Variants in SETD7 observed in about 807,000 individuals in gnomAD.
The protein encoded by SETD7 is histone-lysine N-methyltransferase SETD7.
A neutral mutation model predicts 41.8 loss-of-function variants in SETD7; 16 were observed. The ratio of observed to expected loss-of-function variants is 0.38; its 90% CI spans 0.26 to 0.58. The LOEUF (loss-of-function observed/expected upper bound fraction) is 0.58. Among genes scored for constraint, SETD7 ranks in the 20% least tolerant of loss-of-function variants. The probability of loss-of-function intolerance (pLI) is 0.64; values close to 1 mark genes in which losing one functional copy is unlikely to be tolerated. For missense variants in SETD7, 346 were observed against 459.7 expected (o/e 0.75, Z 2.26); for synonymous variants, 163 against 169.7 (o/e 0.96, Z 0.31).
chr4:139,534,561 G>T (rs1338656487), intron 2 of SETD7, among the ~76,000 whole-genome samples: 1 of 150,186 alleles, frequency 6.7e-6, no homozygotes, highest in Non-Finnish European at 1.5e-5. Context: ...GTTAATTTTT[G>T]TTTTTTTTTG....
intron 2 of SETD7, among the ~76,000 whole-genome samples, chr4:139,540,344 T>G (rs1579220246): frequency 6.6e-6 from 1 of 152,190 alleles, no homozygotes; most frequent in East Asian, 1.9e-4. Flanking sequence ...ACTCCAGAAC[T>G]CCTTTTAACA....
At chr4:139,522,025 G>A (rs1727190556) in intron 5 of SETD7, among the ~76,000 whole-genome samples, 1 of 152,198 alleles carries the variant, frequency 6.6e-6, no homozygotes, top group African/African-American at 2.4e-5. Flanking sequence ...AAAGTTCTGA[G>A]GGCATCATTA....
chr4:139,553,714 A>T (rs1289261937), intron 1 of SETD7, among the ~76,000 whole-genome samples: 1 of 152,232 alleles, frequency 6.6e-6, no homozygotes, highest in Non-Finnish European at 1.5e-5. Flanking sequence ...CCTGCACTTA[A>T]TAAGAACTAA....
intron 1 of SETD7, among the ~76,000 whole-genome samples, chr4:139,549,689 T>C (rs963133655): frequency 1.4e-4 from 21 of 152,092 alleles, no homozygotes; most frequent in Non-Finnish European, 1.5e-5. Context: ...CACTGTAACC[T>C]CAACTTGTAG....
chr4:139,513,110 C>T (rs1726926091), intron 7 of SETD7, among the ~76,000 whole-genome samples: 2 of 151,866 alleles, frequency 1.3e-5, no homozygotes, highest in African/African-American at 2.4e-5. Flanking sequence ...GAGAAGGTTC[C>T]AGGCCCTAAG....
At chr4:139,503,393 A>T (rs2320312), downstream of SETD7, among the ~76,000 whole-genome samples, 1 of 152,018 alleles carries the variant, frequency 6.6e-6, no homozygotes, top group Non-Finnish European at 1.5e-5. Flanking sequence ...TTAGGAGAGC[A>T]GCAAGGAGCC....
chr4:139,510,012 C>A lies in SETD7; in HGVS notation c.*1651G>T, dbSNP rs1726825575. Reference sequence around the variant, plus strand: ...CTCTGTCAATGTGCCCAAGGGCCACCTGAAATGAAAGTCATGAGCAGCCTG... The same window carrying A: ...CTCTGTCAATGTGCCCAAGGGCCACATGAAATGAAAGTCATGAGCAGCCTG... On this transcript the variant is annotated 3_prime_UTR_variant, in exon 8 of 8. Coordinates refer to ENST00000274031, the MANE Select transcript of SETD7 (RefSeq NM_030648.4). 2.7e-6 allele frequency: 1 copy of A among 373,508 alleles called. No homozygotes were observed. The highest frequency in any genetic ancestry group is 3.7e-6 in the Non-Finnish European group (1 of 270,494). 23.1% of individuals were successfully genotyped at this position (373,508 alleles called of 1,614,324 possible). A position where few individuals can be genotyped will look rare whatever the true frequency, so the allele number is the denominator to read the frequency against.
chr4:139,502,454 C>G (rs1435331908), downstream of SETD7, among the ~76,000 whole-genome samples: 1 of 152,194 alleles, frequency 6.6e-6, no homozygotes, highest in Non-Finnish European at 1.5e-5. Context: ...GCCTGTGGCT[C>G]TCTGGGAGAA....
At chr4:139,547,076 C>T (rs1207156242) in intron 1 of SETD7, 27 bp from the exon 2 acceptor site, 1 of 1,612,678 alleles carries the variant, frequency 6.2e-7, no homozygotes, top group Non-Finnish European at 8.5e-7. Flanking sequence ...ACAAGGCAAA[C>T]CTTAACATCT....
chr4:139,546,570 C>A, intron 2 of SETD7: 1 of 350,980 alleles, frequency 2.8e-6, no homozygotes, highest in Non-Finnish European at 5.4e-6. Flanking sequence ...AAACGATCCC[C>A]ACTTGTGTGA....
intron 2 of SETD7, among the ~76,000 whole-genome samples, chr4:139,543,798 C>CAAAAA (rs1182628309): frequency 0.14 from 16,965 of 119,288 alleles, 1,395 homozygotes; most frequent in African/African-American, 0.23. Context: ...TAAAAAAATA[C>CAAAAA]AAAAAAAAAA....
rs1033443503 is a variant in SETD7, at chr4:139,520,262, G to A, written c.762+15C>T. 3 of 1,392,030 alleles carry A rather than the reference G, an allele frequency of 2.2e-6. No individual in the cohort carries two copies. Among genetic ancestry groups the A allele is most frequent in the African/African-American group, 2.9e-5 (2 of 69,062 alleles). 86.2% of individuals were successfully genotyped at this position (1,392,030 alleles called of 1,614,324 possible). A position where few individuals can be genotyped will look rare whatever the true frequency, so the allele number is the denominator to read the frequency against. On this transcript the variant is annotated intron_variant, in intron 6 of 7. Coordinates refer to ENST00000274031, the MANE Select transcript of SETD7 (RefSeq NM_030648.4). ...TAACCAACAAAGTTGATTTTCCACTGTCAGCCCCACTCACCTCTTGGTGTG... is the reference window on the plus strand; with the variant it reads ...TAACCAACAAAGTTGATTTTCCACTATCAGCCCCACTCACCTCTTGGTGTG...
At chr4:139,512,551 CATTTGCCG>C (rs1199740704) in intron 7 of SETD7, among the ~76,000 whole-genome samples, 3 of 152,120 alleles carry the variant, frequency 2.0e-5, no homozygotes, top group Non-Finnish European at 2.9e-5. Context: ...TGGCTATGTT[CATTTGCCG>C]AAGGCTCCCA....
At position 139,516,162 on chromosome 4, in the gene SETD7, G is replaced by A. The variant is rs370639465; in HGVS notation, c.920+1723C>T. Among the ~76,000 whole-genome samples the A allele has an allele frequency of 6.1e-4, 93 of 152,134 alleles. 1 individual carries two copies. The South Asian group carries it at 0.019, about 31-fold the overall frequency. Reference sequence around the variant, plus strand: ...GAATATTTCAGGGAAACCCATTTGGGCTTATTATAAAGAACTTTCTAGGCC... The same window carrying A: ...GAATATTTCAGGGAAACCCATTTGGACTTATTATAAAGAACTTTCTAGGCC... On this transcript the variant is annotated intron_variant, in intron 7 of 7. Transcript: ENST00000274031.
At chr4:139,539,816 T>C (rs1325227934) in intron 2 of SETD7, among the ~76,000 whole-genome samples, 1 of 152,166 alleles carries the variant, frequency 6.6e-6, no homozygotes, top group Non-Finnish European at 1.5e-5. Flanking sequence ...TAAAAAGATA[T>C]TAGAAAGCTT....
chr4:139,551,116 T>G (rs919915585), intron 1 of SETD7, among the ~76,000 whole-genome samples: 10 of 152,234 alleles, frequency 6.6e-5, no homozygotes, highest in Admixed American at 5.9e-4. Flanking sequence ...CCACCAGGTT[T>G]CCAACAGCAT....
At chr4:139,513,895 G>A (rs1324819074) in intron 7 of SETD7, among the ~76,000 whole-genome samples, 1 of 152,238 alleles carries the variant, frequency 6.6e-6, no homozygotes, top group Admixed American at 6.5e-5. Flanking sequence ...ACACAAAAGT[G>A]AACAGTTATC....
chr4:139,528,960 G>C, intron 4 of SETD7, 71 bp downstream of exon 4: 1 of 1,294,646 alleles, frequency 7.7e-7, no homozygotes, highest in Non-Finnish European at 1.1e-6. Context: ...AAGAAAAGAA[G>C]CTTGTCTCAA....
chr4:139,499,914 GT>G (rs1252217880), intron 7 of SETD7, among the ~76,000 whole-genome samples: 2 of 152,250 alleles, frequency 1.3e-5, no homozygotes, highest in East Asian at 3.9e-4. Flanking sequence ...AGACAGAGAG[GT>G]TTTGCTAGGT....
Sources: gnomAD v4.1 joint callset for allele counts (sites outside exome capture counted in the v4.1 genomes callset) on GRCh38, gnomAD v4.1.1 for gene constraint, MANE v1.5 for transcripts, NCBI Gene and HGNC (gene_info 2026-07-23, HGNC 2026-07-21) for gene names.